Variants in UNC80 observed in about 807,000 individuals in gnomAD.
UNC80 encodes the protein protein unc-80 homolog.
A neutral mutation model predicts 384.6 loss-of-function variants in UNC80; 164 were observed. The ratio of observed to expected loss-of-function variants is 0.43; its 90% CI spans 0.38 to 0.49. The LOEUF is 0.49. Ranked by LOEUF, UNC80 falls within the 20% of genes least tolerant of loss-of-function variation. UNC80 has a pLI of 0.00. For synonymous variants in UNC80, 1,486 were observed against 1,527.8 expected, an observed-to-expected ratio of 0.97 and a Z score of 0.64; for missense variants, 3,330 against 4,143.0, an observed-to-expected ratio of 0.80 and a Z score of 5.39.
chr2:209,917,604 T>C (rs1193906714), intron 31 of UNC80, among the ~76,000 whole-genome samples, 173 bp from the exon 32 acceptor site: 3 of 152,202 alleles, frequency 2.0e-5, no homozygotes, highest in African/African-American at 7.2e-5. Flanking sequence ...GCACCAGCTA[T>C]TGGAAGGTTG....
intron 21 of UNC80, chr2:209,845,102 A>AC (rs1478212418): frequency 1.3e-5 from 2 of 148,682 alleles, no homozygotes; most frequent in Non-Finnish European, 3.0e-5. Flanking sequence ...AAAAAAAAAA[A>AC]GGAGGAGACA....
chr2:209,788,285 G>T (rs781079001), intron 5 of UNC80, among the ~76,000 whole-genome samples: 1 of 151,830 alleles, frequency 6.6e-6, no homozygotes, highest in Non-Finnish European at 1.5e-5. Context: ...GCTTGGTAGC[G>T]CATGCCTATA....
At chr2:209,955,775 A>C (rs1431417585) in intron 48 of UNC80, among the ~76,000 whole-genome samples, 1 of 127,252 alleles carries the variant, frequency 7.9e-6, no homozygotes, top group Non-Finnish European at 1.6e-5. Flanking sequence ...AGACTGACTC[A>C]CTCTGTCACC....
chr2:209,940,462 A>T (rs772596323), intron 43 of UNC80, among the ~76,000 whole-genome samples: 30 of 152,202 alleles, frequency 2.0e-4, no homozygotes, highest in Non-Finnish European at 4.3e-4. Context: ...TTACTCAGTT[A>T]TTAATTTGAG....
Position 209,942,735 on chromosome 2 carries a change from C to T in UNC80, c.6916-645C>T, listed in dbSNP as rs987138266. 5.3e-5 allele frequency among the ~76,000 whole-genome samples: 8 copies of T among 151,570 alleles called. No individual in the cohort carries two copies. The East Asian group carries it at 1.2e-3, about 22-fold the overall frequency. On this transcript the variant is annotated intron_variant, in intron 44 of 64. Transcript: ENST00000673920. ...TTTTTTTTTTACTGATTACCAAAAG[C>T]GATTATGTTCATTACAAAATTCAAA... is the stretch of plus-strand genomic sequence containing the variant.
At chr2:209,931,660 A>G (rs1274864324) in intron 38 of UNC80, among the ~76,000 whole-genome samples, 2 of 152,192 alleles carry the variant, frequency 1.3e-5, no homozygotes, top group South Asian at 2.1e-4. Flanking sequence ...TGTGCTGAGC[A>G]TACTCCTTCA....
chr2:209,823,688 TTAA>T (rs934954957), intron 13 of UNC80, among the ~76,000 whole-genome samples: 1 of 151,714 alleles, frequency 6.6e-6, no homozygotes, highest in South Asian at 2.1e-4. Context: ...TTTGCTATTA[TTAA>T]TAATAATAAT....
chr2:209,815,411 C>T lies in UNC80; in HGVS notation c.1335+20C>T, dbSNP rs1177422082. 5 of 1,544,460 alleles carry T rather than the reference C, an allele frequency of 3.2e-6. No individual in the cohort carries two copies. The highest frequency in any genetic ancestry group is 2.5e-5 in the East Asian group (1 of 40,740). Reference sequence around the variant, plus strand: ...AAAAAGGTGAGTAGAAATGCTTATGCTCTTTGATATTTTGGTAAATAAAAA... The same window carrying T: ...AAAAAGGTGAGTAGAAATGCTTATGTTCTTTGATATTTTGGTAAATAAAAA... On this transcript the variant is annotated intron_variant, in intron 9 of 64. Transcript: ENST00000673920.
Position 209,995,364 on chromosome 2 carries a change from G to T in UNC80, c.9744G>T (p.Glu3248Asp). ...TCCCCACTGAAGAAGGAGAAAAGGA[G>T]GAGGACACAGAAGCACAAGGTGCTA... ...ENFPTEEGEK[E>D]EDTEAQGATA... is the part of the protein sequence containing the mutation. The change falls in exon 65 of 65, where the codon GAG (glutamate) becomes GAT (aspartate). Residue 3248 changes from glutamate (E) to aspartate (D), a missense_variant. Transcript: ENST00000673920. The T allele has an allele frequency of 6.4e-7, 1 of 1,552,184 alleles. No homozygotes were observed. The highest frequency in any genetic ancestry group is 1.2e-5 in the South Asian group (1 of 84,064).
chr2:209,897,963 TG>T (rs1311557755), intron 28 of UNC80, among the ~76,000 whole-genome samples: 1 of 152,196 alleles, frequency 6.6e-6, no homozygotes, highest in Non-Finnish European at 1.5e-5. Context: ...TGATATTTTT[TG>T]CTAAGATTTT....
intron 7 of UNC80, among the ~76,000 whole-genome samples, chr2:209,798,719 C>T (rs1005605096): frequency 6.7e-6 from 1 of 150,204 alleles, no homozygotes; most frequent in Non-Finnish European, 1.5e-5. Flanking sequence ...GCTCTGTCAC[C>T]CAGGCTGGAA....
chr2:209,915,932 A>G (rs2089485571), intron 31 of UNC80, among the ~76,000 whole-genome samples: 1 of 152,254 alleles, frequency 6.6e-6, no homozygotes, highest in Non-Finnish European at 1.5e-5. Context: ...TGGATATTTT[A>G]AGTACTCTGA....
At chr2:209,884,677 G>T (rs914159034) in intron 25 of UNC80, among the ~76,000 whole-genome samples, 48 of 152,136 alleles carry the variant, frequency 3.2e-4, no homozygotes, top group African/African-American at 1.2e-3. Flanking sequence ...ACTGGATAAA[G>T]AAAATGTTGT....
intron 7 of UNC80, among the ~76,000 whole-genome samples, chr2:209,798,377 A>G (rs949591720): frequency 1.3e-5 from 2 of 152,188 alleles, no homozygotes; most frequent in African/African-American, 4.8e-5. Flanking sequence ...TTTTCTACCT[A>G]TGGCTAGCCA....
intron 29 of UNC80, among the ~76,000 whole-genome samples, chr2:209,908,782 T>A (rs2088573430): frequency 6.6e-6 from 1 of 152,214 alleles, no homozygotes; most frequent in African/African-American, 2.4e-5. Context: ...GGATCTTAAT[T>A]TCATGGGCCA....
At position 209,772,106 on chromosome 2, in the gene UNC80, C is replaced by G. The variant is rs1431960407; in HGVS notation, c.34C>G (p.Gln12Glu). Residue 12 changes from glutamine to glutamate, a missense_variant, in exon 1 of 65, where the codon CAG becomes GAG. Physicochemically the swap from Gln to Glu is conservative, Grantham distance 29 (BLOSUM62 2). Around this residue, in one of 8 missense-constraint regions of UNC80, gnomAD observed 86 missense variants for 141.5 expected, o/e 0.61. Coordinates refer to ENST00000673920, the MANE Select transcript of UNC80 (RefSeq NM_001371986.1). ...VKRKSSEGQE[Q>E]DGGRGIPLPI... ...GAGGAAGAGCTCCGAGGGCCAGGAG[C>G]AGGACGGCGGCCGCGGCATCCCCCT... The G allele has an allele frequency of 1.9e-6, 3 of 1,549,416 alleles. No individual in the cohort carries two copies. In the South Asian group the frequency reaches 3.6e-5, roughly 18 times the overall value.
At chr2:209,991,286 T>TC (rs536474454) in intron 61 of UNC80, among the ~76,000 whole-genome samples, 345 of 152,306 alleles carry the variant, frequency 2.3e-3, no homozygotes, top group African/African-American at 7.8e-3. Flanking sequence ...AGAATTGTAA[T>TC]ATTCTCTGGG....
intron 18 of UNC80, among the ~76,000 whole-genome samples, chr2:209,837,835 T>G (rs1039410967): frequency 2.6e-5 from 4 of 151,274 alleles, no homozygotes; most frequent in African/African-American, 4.9e-5. Flanking sequence ...GCAGTGGCGC[T>G]ATCTCGGCTC....
intron 6 of UNC80, among the ~76,000 whole-genome samples, chr2:209,793,441 G>A (rs2077953888): frequency 6.6e-6 from 1 of 152,052 alleles, no homozygotes; most frequent in Non-Finnish European, 1.5e-5. Context: ...TGGGTATGGA[G>A]ATGAAAAAGA....
Sources: gnomAD v4.1 joint callset for allele counts (sites outside exome capture counted in the v4.1 genomes callset) on GRCh38, gnomAD v4.1.1 for gene constraint, gnomAD v4.1.1 regional missense constraint, MANE v1.5 for transcripts, NCBI Gene and HGNC (gene_info 2026-07-23, HGNC 2026-07-21) for gene names.